LEPR: variants seen among roughly 807,000 people sequenced by gnomAD.
LEPR encodes leptin receptor.
In LEPR, 56 loss-of-function variants were observed where a neutral mutation model predicts 114.7. That is an observed-to-expected ratio of 0.49 (90% CI 0.39 to 0.61). The LOEUF (loss-of-function observed/expected upper bound fraction) is 0.61. LEPR is among the 20% of genes least tolerant of loss of function. LEPR has a pLI of 0.00. For synonymous variants in LEPR, 443 were observed against 461.4 expected (o/e 0.96, Z 0.51); for missense variants, 1,202 against 1,352.9 (o/e 0.89, Z 1.75).
intron 10 of LEPR, among the ~76,000 whole-genome samples, chr1:65,602,973 G>A (rs967632640): frequency 8.6e-5 from 13 of 151,960 alleles, no homozygotes; most frequent in Non-Finnish European, 1.5e-4. Context: ...CATTAGAAAA[G>A]GTGTTTATGG....
In LEPR at chr1:65,617,979, C is replaced by A; in HGVS notation, c.2228C>A (p.Ser743Ter). The A allele has an allele frequency of 6.2e-7, 1 of 1,609,464 alleles. No individual in the cohort carries two copies. Among genetic ancestry groups the A allele is most frequent in the South Asian group, 1.1e-5 (1 of 89,718 alleles). Reference protein sequence around the residue: ...WPMSKVNIVQSLSAYPLNSSC... With the variant: ...WPMSKVNIVQ The stretch of plus-strand genomic sequence containing the variant: ...TTCCCCTCAGTAAATATCGTGCAGT[C>A]ACTCAGTGCTTATCCTTTAAACAGC... The change falls in exon 16 of 20, where the codon TCA becomes TAA. Residue 743 changes from serine (S) to a stop codon, truncating the protein, a stop_gained. Transcript: ENST00000349533. LOFTEE classifies it high-confidence loss of function.
In LEPR at chr1:65,636,829, C is replaced by A. The variant is rs1480654061; in HGVS notation, c.3312C>A (p.Phe1104Leu). ...LTDKSRVSCP[F>L]PAPCLFTDIR... ...ACAAGTCAAGGGTATCGTGCCCATT[C>A]CCAGCCCCCTGTTTATTCACGGACA... is the stretch of plus-strand genomic sequence containing the variant. The change falls in exon 20 of 20, where the codon TTC (phenylalanine) becomes TTA (leucine). Residue 1104 changes from phenylalanine (F) to leucine (L), a missense_variant. Phe to Leu is a conservative substitution (Grantham distance 22). Transcript: ENST00000349533. The A allele has an allele frequency of 6.2e-7, 1 of 1,613,416 alleles. No individual in the cohort carries two copies. Among genetic ancestry groups the A allele is most frequent in the Non-Finnish European group, 8.5e-7 (1 of 1,179,798 alleles).
At chr1:65,492,370 T>C (rs1296623814) in intron 2 of LEPR, among the ~76,000 whole-genome samples, 1 of 152,152 alleles carries the variant, frequency 6.6e-6, no homozygotes, top group Non-Finnish European at 1.5e-5. Context: ...AATTAAGCTT[T>C]TCCTTATTAT....
chr1:65,591,390 C>G (rs1247739389), intron 5 of LEPR, among the ~76,000 whole-genome samples: 1 of 151,986 alleles, frequency 6.6e-6, no homozygotes, highest in Non-Finnish European at 1.5e-5. Flanking sequence ...TTTGTTATAT[C>G]AATGGAGAAG....
intron 2 of LEPR, among the ~76,000 whole-genome samples, chr1:65,456,678 GT>G (rs929744180): frequency 2.0e-5 from 3 of 152,082 alleles, no homozygotes; most frequent in African/African-American, 7.2e-5. Context: ...TTATCCATTT[GT>G]TTTTAATCTA....
At chr1:65,507,731 A>T (rs939120302) in intron 2 of LEPR, among the ~76,000 whole-genome samples, 1 of 151,944 alleles carries the variant, frequency 6.6e-6, no homozygotes, top group Non-Finnish European at 1.5e-5. Context: ...CATAAGGTAA[A>T]TCTATTTTTA....
chr1:65,435,952 A>G, intron 2 of LEPR: 1 of 985,258 alleles, frequency 1.0e-6, no homozygotes, highest in South Asian at 4.7e-5. Context: ...TGTAACCCCA[A>G]ATGTGATGTG....
chr1:65,616,029 T>C lies in LEPR; in HGVS notation c.2017T>C (p.Leu673=), dbSNP rs369652259. The change falls in exon 15 of 20, where the codon TTG becomes CTG. Residue 673 remains leucine, a synonymous_variant. Coordinates refer to ENST00000349533, the MANE Select transcript of LEPR (RefSeq NM_002303.6). ...LWKPLMKNDS[L]CSVQRYVINH... ...ACAGCCCCTGATGAAAAATGACTCA[T>C]TGTGCAGTGTTCAGAGATATGTGAT... The C allele has an allele frequency of 2.3e-5, 37 of 1,614,022 alleles. No individual in the cohort carries two copies. Among genetic ancestry groups the C allele is most frequent in the Non-Finnish European group, 3.0e-5 (35 of 1,180,002 alleles).
chr1:65,477,974 A>G (rs979201480), intron 2 of LEPR, among the ~76,000 whole-genome samples: 1 of 152,214 alleles, frequency 6.6e-6, no homozygotes, highest in Non-Finnish European at 1.5e-5. Context: ...TTGTTCAACC[A>G]AATAAATGGA....
At chr1:65,558,320 C>G (rs1652974274) in intron 2 of LEPR, among the ~76,000 whole-genome samples, 1 of 152,048 alleles carries the variant, frequency 6.6e-6, no homozygotes. Context: ...TGATGACAAA[C>G]TTGTAGTGTG....
rs752472210 is a variant in LEPR, at chr1:65,518,917, C to CTTTCTTTCTTTCTTTCTT, written c.-20-46628_-20-46627insTTCTTTCTTTCTTTCTTT. 2.6e-4 allele frequency among the ~76,000 whole-genome samples: 20 copies of CTTTCTTTCTTTCTTTCTT among 75,752 alleles called. 1 individual carries two copies. The highest frequency in any genetic ancestry group is 2.0e-3 in the East Asian group (9 of 4,508). 49.7% of individuals were successfully genotyped at this position (75,752 alleles called of 152,430 possible). On this transcript the variant is annotated intron_variant, in intron 2 of 19. Coordinates refer to ENST00000349533, the MANE Select transcript of LEPR (RefSeq NM_002303.6). ...TCTTTCTTTCTTTCTTTCTTTCTTT[C>CTTTCTTTCTTTCTTTCTT]TCTCTTTCTCTGTTTCTTTCTTTCT...
intron 17 of LEPR, 23 bp from the exon 18 acceptor site, chr1:65,621,330 T>G: frequency 1.6e-5 from 25 of 1,592,556 alleles, no homozygotes; most frequent in Non-Finnish European, 2.2e-5. Flanking sequence ...TTCTGAGTTG[T>G]GTAAATTGTA....
intron 5 of LEPR, among the ~76,000 whole-genome samples, chr1:65,575,084 C>A (rs1056943511): frequency 6.6e-6 from 1 of 152,104 alleles, no homozygotes; most frequent in Non-Finnish European, 1.5e-5. Flanking sequence ...GTTACTGGGA[C>A]CAACTGCTGC....
chr1:65,501,138 TCA>T (rs1161402484), intron 2 of LEPR, among the ~76,000 whole-genome samples: 2 of 152,088 alleles, frequency 1.3e-5, no homozygotes, highest in Non-Finnish European at 2.9e-5. Flanking sequence ...CTTCTCTTTC[TCA>T]GTCTTCTCAG....
chr1:65,451,998 C>T (rs1011920507), intron 2 of LEPR, among the ~76,000 whole-genome samples: 1 of 150,262 alleles, frequency 6.7e-6, no homozygotes, highest in African/African-American at 2.5e-5. Flanking sequence ...CTTCACATCC[C>T]TTGTAAGTTG....
At chr1:65,508,820 C>T (rs1023630284) in intron 2 of LEPR, among the ~76,000 whole-genome samples, 5 of 152,108 alleles carry the variant, frequency 3.3e-5, no homozygotes, top group East Asian at 1.9e-4. Flanking sequence ...ACTCCATGAG[C>T]GCACAATATC....
At chr1:65,619,844 A>T in intron 16 of LEPR, 84 bp from the exon 17 acceptor site, 2 of 1,040,926 alleles carry the variant, frequency 1.9e-6, no homozygotes, top group Non-Finnish European at 1.5e-6. Flanking sequence ...TATGATAGTC[A>T]CTTTAATTCT....
At chr1:65,575,307 G>A (rs1370156342) in intron 5 of LEPR, among the ~76,000 whole-genome samples, 1 of 147,058 alleles carries the variant, frequency 6.8e-6, no homozygotes, top group Admixed American at 6.7e-5. Flanking sequence ...ATTTGAAGAT[G>A]GCAGTCAATA....
chr1:65,547,712 G>T (rs1353822183), intron 2 of LEPR, among the ~76,000 whole-genome samples: 2 of 147,414 alleles, frequency 1.4e-5, no homozygotes, highest in African/African-American at 2.5e-5. Context: ...TTCTTTATTA[G>T]TCTTGCTAGC....
Sources: allele counts gnomAD v4.1 joint callset (sites outside exome capture counted in the v4.1 genomes callset), GRCh38; gene constraint gnomAD v4.1.1; transcripts MANE v1.5; gene names NCBI Gene and HGNC (gene_info 2026-07-23, HGNC 2026-07-21).